PTPRM: variants seen among roughly 807,000 people sequenced by gnomAD.
PTPRM encodes the protein protein tyrosine phosphatase receptor type M, also known as receptor-type tyrosine-protein phosphatase mu.
Under a neutral mutation model 186.7 loss-of-function variants are expected in PTPRM, and 47 were observed. That is an observed-to-expected ratio of 0.25 (90% CI 0.20 to 0.32). The LOEUF (loss-of-function observed/expected upper bound fraction) is 0.32, where lower values mean the gene tolerates loss of function less well. PTPRM is among the 10% of genes least tolerant of loss of function. The pLI is 1.00. For synonymous variants in PTPRM, 668 were observed against 674.9 expected (o/e 0.99, Z 0.16); for missense variants, 1,494 against 1,865.0 (o/e 0.80, Z 3.66).
At chr18:7,713,443 A>G (rs1166640812) in intron 1 of PTPRM, among the ~76,000 whole-genome samples, 1 of 152,164 alleles carries the variant, frequency 6.6e-6, no homozygotes, top group Non-Finnish European at 1.5e-5. Context: ...CATCAACACT[A>G]TGAAGAAACT....
chr18:7,870,808 T>C (rs1196850020), intron 2 of PTPRM, among the ~76,000 whole-genome samples: 2 of 152,186 alleles, frequency 1.3e-5, no homozygotes, highest in Admixed American at 1.3e-4. Context: ...TCTATGGAAG[T>C]AATTCTGCCT....
chr18:7,869,240 G>C (rs2047865589), intron 2 of PTPRM, among the ~76,000 whole-genome samples: 1 of 152,132 alleles, frequency 6.6e-6, no homozygotes, highest in Admixed American at 6.5e-5. Context: ...GTGCCACTGG[G>C]GTATGAAACA....
At chr18:7,772,416 CTT>C (rs1308114276) in intron 1 of PTPRM, among the ~76,000 whole-genome samples, 1 of 108,814 alleles carries the variant, frequency 9.2e-6, no homozygotes, top group Non-Finnish European at 1.8e-5. Flanking sequence ...TCTTTCTTTT[CTT>C]TCTTTCTCCC....
chr18:8,222,164 C>T (rs1240797890), intron 14 of PTPRM, among the ~76,000 whole-genome samples: 1 of 152,084 alleles, frequency 6.6e-6, no homozygotes, highest in Non-Finnish European at 1.5e-5. Flanking sequence ...TGTGGTTTGT[C>T]CATAAGAACT....
chr18:8,314,014 C>T (rs762352921), intron 20 of PTPRM, among the ~76,000 whole-genome samples: 5 of 152,158 alleles, frequency 3.3e-5, no homozygotes, highest in Non-Finnish European at 5.9e-5. Context: ...AAATAAAATA[C>T]AATATACATT....
intron 14 of PTPRM, among the ~76,000 whole-genome samples, chr18:8,232,142 A>G (rs1275334192): frequency 6.6e-6 from 1 of 152,196 alleles, no homozygotes; most frequent in Non-Finnish European, 1.5e-5. Flanking sequence ...TGCCTCTTCC[A>G]GAGTGTTATG....
chr18:8,379,173 A>G lies in PTPRM; in HGVS notation c.3619A>G (p.Asn1207Asp). The stretch of plus-strand genomic sequence containing the variant: ...CCTTTCTTTTCTCACGCAGACGCTA[A>G]ACATGGTGACACCAACGCTGCGAGT... Reference protein sequence around the residue: ...SQIKEEFRTLNMVTPTLRVED... With the variant: ...SQIKEEFRTLDMVTPTLRVED... Residue 1207 changes from asparagine to aspartate, a missense_variant, in exon 28 of 33, where the codon AAC (asparagine) becomes GAC (aspartate). By Grantham distance (23) the Asn-to-Asp change is conservative (BLOSUM62 1). Around this residue, in one of 3 missense-constraint regions of PTPRM, gnomAD observed 1,107 missense variants for 1,350.2 expected, o/e 0.82. Transcript: ENST00000580170. 8 of 1,601,250 alleles carry G rather than the reference A, an allele frequency of 5.0e-6. No individual in the cohort carries two copies. The highest frequency in any genetic ancestry group is 6.8e-6 in the Non-Finnish European group (8 of 1,173,348).
At chr18:8,112,487 CCTTT>C (rs2091799276) in intron 11 of PTPRM, among the ~76,000 whole-genome samples, 1 of 152,142 alleles carries the variant, frequency 6.6e-6, no homozygotes, top group Admixed American at 6.5e-5. Flanking sequence ...AATTCTGGTG[CCTTT>C]CTGATACTGT....
At chr18:7,795,759 G>A (rs1387913785) in intron 2 of PTPRM, among the ~76,000 whole-genome samples, 1 of 143,774 alleles carries the variant, frequency 7.0e-6, no homozygotes, top group Non-Finnish European at 1.5e-5. Flanking sequence ...ACAAAGTTTT[G>A]TTCACCAAGA....
chr18:8,142,486 C>T (rs2092788205), intron 13 of PTPRM, among the ~76,000 whole-genome samples: 1 of 152,138 alleles, frequency 6.6e-6, no homozygotes, highest in African/African-American at 2.4e-5. Flanking sequence ...ATATCTGGCA[C>T]TCCCTCTTTC....
intron 1 of PTPRM, among the ~76,000 whole-genome samples, chr18:7,637,210 G>C (rs987406017): frequency 6.6e-6 from 1 of 150,494 alleles, no homozygotes; most frequent in Non-Finnish European, 1.5e-5. Context: ...TTGCACATGT[G>C]TATCTGGCTA....
At chr18:8,284,462 G>T (rs1346254814) in intron 19 of PTPRM, among the ~76,000 whole-genome samples, 1 of 152,168 alleles carries the variant, frequency 6.6e-6, no homozygotes, top group Non-Finnish European at 1.5e-5. Context: ...TCAGCAGACT[G>T]TGATTCTGAA....
chr18:8,372,794 C>A (rs937163093), intron 24 of PTPRM, among the ~76,000 whole-genome samples: 1 of 150,886 alleles, frequency 6.6e-6, no homozygotes, highest in Non-Finnish European at 1.5e-5. Context: ...CGCATTAAAA[C>A]AGCGATAAAA....
intron 3 of PTPRM, among the ~76,000 whole-genome samples, chr18:7,892,406 G>A (rs1165202092): frequency 1.3e-5 from 2 of 152,202 alleles, no homozygotes; most frequent in Admixed American, 6.5e-5. Context: ...TACATTGAGA[G>A]TAAGATGGTC....
chr18:8,351,179 G>A (rs956435423), intron 23 of PTPRM, among the ~76,000 whole-genome samples: 4 of 152,042 alleles, frequency 2.6e-5, no homozygotes, highest in African/African-American at 9.7e-5. Context: ...AAGGAAACCC[G>A]ACCTGATTAT....
chr18:8,401,577 A>T (rs772186937), intron 32 of PTPRM, among the ~76,000 whole-genome samples: 15 of 152,234 alleles, frequency 9.9e-5, no homozygotes, highest in Non-Finnish European at 1.8e-4. Context: ...TTTCAAAAGC[A>T]ACCAGGTCAG....
At chr18:8,006,926 A>G (rs1021832792) in intron 7 of PTPRM, among the ~76,000 whole-genome samples, 8 of 152,214 alleles carry the variant, frequency 5.3e-5, no homozygotes, top group Non-Finnish European at 1.2e-4. Context: ...TAACAAATAC[A>G]TATTATTTTG....
chr18:8,120,703 T>C (rs562115140), intron 13 of PTPRM, among the ~76,000 whole-genome samples: 1 of 152,136 alleles, frequency 6.6e-6, no homozygotes, highest in African/African-American at 2.4e-5. Context: ...ACCATGTTAT[T>C]CATTTGATCT....
intron 1 of PTPRM, among the ~76,000 whole-genome samples, chr18:7,581,708 T>G (rs1598454099): frequency 6.7e-6 from 1 of 150,370 alleles, no homozygotes; most frequent in East Asian, 2.0e-4. Context: ...CCAGCTGGAG[T>G]GCAGTGGTAC....
Sources: allele counts gnomAD v4.1 joint callset (sites outside exome capture counted in the v4.1 genomes callset), GRCh38; gene constraint gnomAD v4.1.1; regional missense constraint gnomAD v4.1.1; transcripts MANE v1.5; gene names NCBI Gene and HGNC (gene_info 2026-07-23, HGNC 2026-07-21).